COQ8A: variants seen among roughly 807,000 people sequenced by gnomAD.
COQ8A encodes atypical kinase COQ8A, mitochondrial.
A neutral mutation model predicts 65.0 loss-of-function variants in COQ8A; 51 were observed. The ratio of observed to expected loss-of-function variants is 0.78; its 90% CI spans 0.63 to 0.99. COQ8A has a LOEUF of 0.99. Ranked by LOEUF, COQ8A falls within the 50% of genes least tolerant of loss-of-function variation. COQ8A has a pLI of 0.00. For synonymous variants in COQ8A, 371 were observed against 353.2 expected (o/e 1.05, Z -0.57); for missense variants, 940 against 875.0 (o/e 1.07, Z -0.94).
At chr1:226,969,353 C>T (rs1349561588) in intron 4 of COQ8A, among the ~76,000 whole-genome samples, 2 of 152,116 alleles carry the variant, frequency 1.3e-5, no homozygotes, top group Admixed American at 1.3e-4. Flanking sequence ...GGCTGGAGTG[C>T]AGTGGCACAA....
rs1660160534 is a variant in COQ8A, at chr1:226,987,019, CT to C, written c.*287del. 1 of 508,468 alleles carries C rather than the reference CT, an allele frequency of 2.0e-6. No homozygotes were observed. Among genetic ancestry groups the C allele is most frequent in the South Asian group, 2.1e-5 (1 of 47,492 alleles). 31.5% of individuals were successfully genotyped at this position (508,468 alleles called of 1,614,324 possible). ...GATGAAAGGGCAACTTTGTTTTCTT[CT>C]TTTTCCTGATGTGAATGTTAAGCAG... On this transcript the variant is annotated 3_prime_UTR_variant, in exon 15 of 15. Coordinates refer to ENST00000366777, the MANE Select transcript of COQ8A (RefSeq NM_020247.5).
At chr1:226,950,111 C>T (rs1008259603) in intron 1 of COQ8A, among the ~76,000 whole-genome samples, 5 of 152,224 alleles carry the variant, frequency 3.3e-5, no homozygotes, top group Admixed American at 6.5e-5. Context: ...TGTGTGTCAT[C>T]GGCTATATCA....
chr1:226,964,002 C>G (rs1292512480), intron 2 of COQ8A, among the ~76,000 whole-genome samples: 1 of 152,218 alleles, frequency 6.6e-6, no homozygotes, highest in East Asian at 1.9e-4. Context: ...TGGTGACCTT[C>G]ACCAGCACAT....
At chr1:226,945,898 GGC>G (rs1657011893) in intron 1 of COQ8A, among the ~76,000 whole-genome samples, 1 of 152,194 alleles carries the variant, frequency 6.6e-6, no homozygotes. Flanking sequence ...AAACTCATCT[GGC>G]TTTTGCTCCT....
Position 226,984,872 on chromosome 1 carries a change from C to T in COQ8A, c.1507-4C>T. 6.2e-7 allele frequency: 1 copy of T among 1,614,182 alleles called. No individual in the cohort carries two copies. Among genetic ancestry groups the T allele is most frequent in the Non-Finnish European group, 8.5e-7 (1 of 1,180,022 alleles). ...CAAACTTCTCCTGGTGTCTCTGTCC[C>T]CAGGTGGCTCTTTTGGATTTTGGGG... On this transcript the variant is annotated splice_polypyrimidine_tract_variant and splice_region_variant and intron_variant, in intron 12 of 14. Coordinates refer to ENST00000366777, the MANE Select transcript of COQ8A (RefSeq NM_020247.5).
intron 1 of COQ8A, among the ~76,000 whole-genome samples, chr1:226,951,524 T>C (rs1657387634): frequency 6.6e-6 from 1 of 152,114 alleles, no homozygotes; most frequent in Non-Finnish European, 1.5e-5. Context: ...CTGTGGGTGT[T>C]GGGCAGCTCT....
intron 4 of COQ8A, among the ~76,000 whole-genome samples, chr1:226,967,289 A>T (rs1349600657): frequency 3.9e-5 from 6 of 152,040 alleles, no homozygotes. Context: ...TTTCCCCATG[A>T]TATTGAGGGC....
intron 1 of COQ8A, among the ~76,000 whole-genome samples, chr1:226,948,457 G>T (rs907476166): frequency 6.6e-6 from 1 of 152,160 alleles, no homozygotes; most frequent in Admixed American, 6.5e-5. Flanking sequence ...ACATTCACAG[G>T]TTCTGGGGAT....
Position 226,986,563 on chromosome 1 carries a change from G to C in COQ8A, c.1770G>C (p.Leu590=). ...TQSTTEKIHN[L]IPVMLRHRLV... Reference sequence around the variant, plus strand: ...GCACCACCGAGAAGATCCACAACCTGATTCCCGTCATGCTGAGGCACCGTC... The same window carrying C: ...GCACCACCGAGAAGATCCACAACCTCATTCCCGTCATGCTGAGGCACCGTC... Residue 590 remains leucine (L), a synonymous_variant, in exon 15 of 15, where the codon CTG becomes CTC. Coordinates refer to ENST00000366777, the MANE Select transcript of COQ8A (RefSeq NM_020247.5). The C allele has an allele frequency of 1.2e-6, 2 of 1,613,936 alleles. No individual in the cohort carries two copies. Among genetic ancestry groups the C allele is most frequent in the Non-Finnish European group, 1.7e-6 (2 of 1,179,998 alleles).
rs1020933933 is a variant in COQ8A, at chr1:226,946,544, A to T, written c.-10+6145A>T. On this transcript the variant is annotated intron_variant, in intron 1 of 14. Coordinates refer to ENST00000366777, the MANE Select transcript of COQ8A (RefSeq NM_020247.5). This position sits in a 1 kb window ranked among gnomAD's most constrained non-coding sequence, Gnocchi z 5.3. ...AGGGAGAGTGGAGATCAGCAAGGAG[A>T]TGGCCACCTCTCCTGGGTCTGTGGT... is the stretch of plus-strand genomic sequence containing the variant. 1.3e-5 allele frequency among the ~76,000 whole-genome samples: 2 copies of T among 152,058 alleles called. No homozygotes were observed. The highest frequency in any genetic ancestry group is 4.8e-5 in the African/African-American group (2 of 41,392).
chr1:226,951,009 G>A (rs1237053428), intron 1 of COQ8A, among the ~76,000 whole-genome samples: 1 of 152,178 alleles, frequency 6.6e-6, no homozygotes, highest in Non-Finnish European at 1.5e-5. Context: ...CCTGTGTGAG[G>A]GCCATGGTGA....
At chr1:226,983,896 A>C in intron 10 of COQ8A, 42 bp downstream of exon 10, 1 of 1,591,986 alleles carries the variant, frequency 6.3e-7, no homozygotes, top group Non-Finnish European at 8.5e-7. Context: ...TGCACCAGGG[A>C]GGCAGAAGGG....
At chr1:226,974,619 G>A (rs1312424879) in intron 4 of COQ8A, among the ~76,000 whole-genome samples, 1 of 152,184 alleles carries the variant, frequency 6.6e-6, no homozygotes, top group African/African-American at 2.4e-5. Context: ...GCTGAGTCTG[G>A]GGCGGGAGGG....
rs199874519 is a variant in COQ8A, at chr1:226,986,458, G to A, written c.1665G>A (p.Met555Ile). ...TCCTTCCTCTCTTGCCCCAGGTCAT[G>A]GAAGACGCCCACTTGGATGCCATCC... is the stretch of plus-strand genomic sequence containing the variant. ...KFLTGYEVKV[M>I]EDAHLDAILI... is the part of the protein sequence containing the mutation. Residue 555 changes from methionine (M) to isoleucine (I), a missense_variant, in exon 15 of 15, where the codon ATG (methionine) becomes ATA (isoleucine). Transcript: ENST00000366777. The A allele has an allele frequency of 8.5e-5, 137 of 1,612,226 alleles. 1 individual carries two copies. Among genetic ancestry groups the A allele is most frequent in the Non-Finnish European group, 5.5e-5 (65 of 1,179,970 alleles).
rs749245005 is a variant in COQ8A at position 226,982,161 on chromosome 1, C to A, written c.853+12C>A. On this transcript the variant is annotated intron_variant, in intron 6 of 14. Transcript: ENST00000366777. Reference sequence around the variant, plus strand: ...GCTGAGCATCCAGGGTGAGTGGGCGCGGGGGCTGCTGCCCCGGGACTGCGT... The same window carrying A: ...GCTGAGCATCCAGGGTGAGTGGGCGAGGGGGCTGCTGCCCCGGGACTGCGT... 2 of 1,569,356 alleles carry A rather than the reference C, an allele frequency of 1.3e-6. No homozygotes were observed. The highest frequency in any genetic ancestry group is 1.4e-5 in the African/African-American group (1 of 73,590).
chr1:226,968,461 T>C (rs1203677964), intron 4 of COQ8A, among the ~76,000 whole-genome samples: 2 of 152,376 alleles, frequency 1.3e-5, no homozygotes, highest in East Asian at 1.9e-4. Flanking sequence ...TTTAAGTATG[T>C]TCTTCACTAC....
chr1:226,974,616 C>T (rs892627038), intron 4 of COQ8A, among the ~76,000 whole-genome samples: 1 of 152,122 alleles, frequency 6.6e-6, no homozygotes, highest in Non-Finnish European at 1.5e-5. Context: ...TGCGCTGAGT[C>T]TGGGGCGGGA....
At chr1:226,951,407 C>G (rs1218496600) in intron 1 of COQ8A, among the ~76,000 whole-genome samples, 6 of 152,170 alleles carry the variant, frequency 3.9e-5, no homozygotes, top group Non-Finnish European at 2.9e-5. Context: ...TGGACAACCC[C>G]TCCCAGCCCC....
chr1:226,979,364 T>C (rs997600971), intron 5 of COQ8A, among the ~76,000 whole-genome samples: 49 of 152,168 alleles, frequency 3.2e-4, no homozygotes, highest in Non-Finnish European at 8.8e-5. Flanking sequence ...CTCAGGCCTC[T>C]TCAGGCACGG....
Sources: gnomAD v4.1 joint callset for allele counts (sites outside exome capture counted in the v4.1 genomes callset) on GRCh38, gnomAD v4.1.1 for gene constraint, Gnocchi (gnomAD v3.1) non-coding constraint, MANE v1.5 for transcripts, NCBI Gene and HGNC (gene_info 2026-07-23, HGNC 2026-07-21) for gene names.